BLTP1: variants seen among roughly 807,000 people sequenced by gnomAD.
The protein encoded by BLTP1 is bridge-like lipid transfer protein family member 1, also known as fragile site-associated protein.
the BLTP1 span, chr4:122,173,182 C>A: frequency 1.3e-6 from 2 of 1,598,116 alleles, no homozygotes; most frequent in Non-Finnish European, 1.7e-6. Flanking sequence ...GAATTTTTTT[C>A]TTCCTTATAA....
chr4:122,220,949 A>G, the BLTP1 span: 3 of 268,796 alleles, frequency 1.1e-5, no homozygotes, highest in Non-Finnish European at 1.7e-5. Context: ...AAGAGAACCA[A>G]TGATATTCAT....
the BLTP1 span, chr4:122,226,575 T>G: frequency 6.8e-7 from 1 of 1,478,078 alleles, no homozygotes; most frequent in Non-Finnish European, 8.9e-7. Context: ...AACAAGTTGC[T>G]TATTTAGCAG....
the BLTP1 span, among the ~76,000 whole-genome samples, chr4:122,341,293 C>T: frequency 6.6e-6 from 1 of 152,122 alleles, no homozygotes; most frequent in East Asian, 1.9e-4. Flanking sequence ...TGTATGGACA[C>T]CAGCTCACTG....
chr4:122,197,359 A>T, the BLTP1 span: 1 of 1,057,308 alleles, frequency 9.5e-7, no homozygotes, highest in Non-Finnish European at 1.3e-6. Context: ...TTAGACTAAC[A>T]TTAATAAGGT....
At chr4:122,250,246 G>T in the BLTP1 span, 1 of 1,108,912 alleles carries the variant, frequency 9.0e-7, no homozygotes, top group Non-Finnish European at 1.3e-6. Flanking sequence ...ATAGATTAGG[G>T]CAAAGACTTG....
At chr4:122,321,508 A>G in the BLTP1 span, among the ~76,000 whole-genome samples, 1 of 135,400 alleles carries the variant, frequency 7.4e-6, no homozygotes, top group African/African-American at 2.7e-5. Flanking sequence ...CATTATTGGT[A>G]TTAAATGTGT....
At chr4:122,225,454 G>A in the BLTP1 span, 5 of 152,076 alleles carry the variant, frequency 3.3e-5, no homozygotes, top group African/African-American at 1.2e-4. Context: ...ACTGGAATTT[G>A]ATAGGAATGT....
the BLTP1 span, among the ~76,000 whole-genome samples, chr4:122,251,856 T>A: frequency 3.3e-5 from 5 of 152,330 alleles, no homozygotes; most frequent in African/African-American, 1.2e-4. Context: ...ATGAATTTCA[T>A]TTCCTAGGTC....
the BLTP1 span, chr4:122,313,961 A>G: frequency 1.2e-5 from 10 of 809,874 alleles, no homozygotes; most frequent in South Asian, 2.3e-4. Flanking sequence ...CATACTTTTA[A>G]ATTTTTACAA....
chr4:122,317,994 C>T, the BLTP1 span: 14 of 301,070 alleles, frequency 4.7e-5, no homozygotes, highest in Middle Eastern at 1.7e-3. Context: ...CTTAACAGTT[C>T]GCCAAATATG....
the BLTP1 span, chr4:122,187,027 A>G: frequency 1.0e-6 from 1 of 985,092 alleles, no homozygotes; most frequent in East Asian, 1.1e-4. Context: ...TGCTTAAAAC[A>G]GTAGACAAAC....
the BLTP1 span, among the ~76,000 whole-genome samples, chr4:122,316,182 CTG>C: frequency 1.3e-5 from 2 of 152,098 alleles, no homozygotes; most frequent in African/African-American, 2.4e-5. Context: ...ACTATACACT[CTG>C]TAGTTTCAAG....
At chr4:122,188,920 G>T in the BLTP1 span, 17 of 984,834 alleles carry the variant, frequency 1.7e-5, no homozygotes, top group Non-Finnish European at 1.9e-5. Context: ...TCCAGGATTT[G>T]GCTAGAATGA....
At chr4:122,245,241 A>G in the BLTP1 span, 17 of 1,038,300 alleles carry the variant, frequency 1.6e-5, no homozygotes, top group East Asian at 1.7e-4. Flanking sequence ...AAATCAGAAT[A>G]TTTGGACATG....
the BLTP1 span, among the ~76,000 whole-genome samples, chr4:122,169,299 A>C: frequency 6.6e-6 from 1 of 152,298 alleles, no homozygotes; most frequent in Non-Finnish European, 1.5e-5. Context: ...GTGGTGAATA[A>C]ACAGAAAACA....
At chr4:122,173,573 G>C in the BLTP1 span, among the ~76,000 whole-genome samples, 1 of 152,018 alleles carries the variant, frequency 6.6e-6, no homozygotes, top group Admixed American at 6.6e-5. Context: ...AGTTTTAGAG[G>C]GAACAAACAT....
At chr4:122,171,641 GT>G in the BLTP1 span, 98,716 of 110,340 alleles carry the variant, frequency 0.89, 43,961 homozygotes, top group Middle Eastern at 0.94. Context: ...GGTTACACAG[GT>G]TTTTTTTTTT....
chr4:122,184,040 G>A, the BLTP1 span, among the ~76,000 whole-genome samples: 1 of 151,956 alleles, frequency 6.6e-6, no homozygotes, highest in Admixed American at 6.6e-5. Context: ...AAAAAGAAAA[G>A]TTTAGTCAAA....
At chr4:122,173,004 C>A in the BLTP1 span, 1 of 1,609,896 alleles carries the variant, frequency 6.2e-7, no homozygotes, top group South Asian at 1.1e-5. Flanking sequence ...AGAAGTAAAT[C>A]CTATTATTTC....
Sources: allele counts gnomAD v4.1 joint callset (sites outside exome capture counted in the v4.1 genomes callset), GRCh38; gene constraint gnomAD v4.1.1; transcripts MANE v1.5; gene names NCBI Gene and HGNC (gene_info 2026-07-23, HGNC 2026-07-21).